THSD7B: variants seen among roughly 807,000 people sequenced by gnomAD.
The protein encoded by THSD7B is thrombospondin type-1 domain-containing protein 7B.
Under a neutral mutation model 213.6 loss-of-function variants are expected in THSD7B, and 138 were observed. That is an observed-to-expected ratio of 0.65 (90% CI 0.56 to 0.74). The LOEUF is 0.74. Ranked by LOEUF, THSD7B falls within the 30% of genes least tolerant of loss-of-function variation. THSD7B has a pLI of 0.00. For synonymous variants in THSD7B, 742 were observed against 687.0 expected, an observed-to-expected ratio of 1.08 and a Z score of -1.25; for missense variants, 1,931 against 1,991.5, an observed-to-expected ratio of 0.97 and a Z score of 0.58.
intron 17 of THSD7B, among the ~76,000 whole-genome samples, chr2:137,581,916 G>A (rs1291025718): frequency 6.6e-6 from 1 of 151,588 alleles, no homozygotes; most frequent in Non-Finnish European, 1.5e-5. Context: ...GGCCAACATA[G>A]TAAAAACTCC....
intron 14 of THSD7B, among the ~76,000 whole-genome samples, chr2:137,428,855 C>T (rs1687115004): frequency 6.6e-6 from 1 of 152,128 alleles, no homozygotes; most frequent in African/African-American, 2.4e-5. Flanking sequence ...TATGAGGACT[C>T]CACCTTCATG....
At chr2:136,836,581 C>T (rs79998196) in intron 1 of THSD7B, among the ~76,000 whole-genome samples, 5,034 of 152,286 alleles carry the variant, frequency 0.033, 119 homozygotes, top group South Asian at 0.059. Flanking sequence ...TCTAGATCCC[C>T]ATGCTATGTT....
intron 7 of THSD7B, among the ~76,000 whole-genome samples, chr2:137,175,775 T>C: frequency 6.6e-6 from 1 of 152,204 alleles, no homozygotes; most frequent in East Asian, 1.9e-4. Context: ...CAAATATTCT[T>C]TAAATGTTTT....
At chr2:136,966,543 T>A (rs1685318160) in intron 2 of THSD7B, among the ~76,000 whole-genome samples, 1 of 152,204 alleles carries the variant, frequency 6.6e-6, no homozygotes, top group African/African-American at 2.4e-5. Flanking sequence ...TCAGTCTTTT[T>A]TATTTTTATT....
At chr2:137,039,738 A>T (rs553922103) in intron 2 of THSD7B, among the ~76,000 whole-genome samples, 2 of 152,324 alleles carry the variant, frequency 1.3e-5, no homozygotes, top group African/African-American at 4.8e-5. Context: ...CAAAATCAGG[A>T]TTTGGACTAA....
At chr2:137,538,461 T>G in intron 15 of THSD7B, 2 of 514,780 alleles carry the variant, frequency 3.9e-6, no homozygotes, top group South Asian at 2.8e-5. Flanking sequence ...TTGCTTATCA[T>G]GCACTGCTAA....
At chr2:137,452,916 C>T (rs1261850146) in intron 15 of THSD7B, among the ~76,000 whole-genome samples, 1 of 152,082 alleles carries the variant, frequency 6.6e-6, no homozygotes, top group South Asian at 2.1e-4. Flanking sequence ...AATCAAAGTT[C>T]AAGAATAATT....
chr2:136,900,931 C>T (rs1684052636), intron 2 of THSD7B, among the ~76,000 whole-genome samples: 1 of 151,888 alleles, frequency 6.6e-6, no homozygotes, highest in African/African-American at 2.4e-5. Context: ...ATGTATCTAC[C>T]CCCCATGCAG....
intron 5 of THSD7B, among the ~76,000 whole-genome samples, chr2:137,138,135 C>G (rs971503584): frequency 2.0e-5 from 3 of 152,096 alleles, no homozygotes; most frequent in African/African-American, 7.2e-5. Context: ...CTCAAGTGAC[C>G]TTTCTGCCTC....
At chr2:137,248,449 C>T (rs2105070754) in intron 10 of THSD7B, among the ~76,000 whole-genome samples, 1 of 152,286 alleles carries the variant, frequency 6.6e-6, no homozygotes, top group East Asian at 1.9e-4. Flanking sequence ...ATCTCTTCCC[C>T]AGTCAGTTCT....
chr2:137,418,952 G>A, intron 14 of THSD7B, among the ~76,000 whole-genome samples: 1 of 151,326 alleles, frequency 6.6e-6, no homozygotes, highest in Non-Finnish European at 1.5e-5. Context: ...CTGTCACCCA[G>A]GCTGGAGTGC....
chr2:136,912,167 CA>C (rs1387003248), intron 2 of THSD7B, among the ~76,000 whole-genome samples: 4 of 151,606 alleles, frequency 2.6e-5, no homozygotes, highest in Non-Finnish European at 4.4e-5. Flanking sequence ...ACTAAAAATA[CA>C]AAAATTAGCC....
chr2:136,973,351 T>C (rs1685432716), intron 2 of THSD7B, among the ~76,000 whole-genome samples: 1 of 152,220 alleles, frequency 6.6e-6, no homozygotes, highest in Admixed American at 6.5e-5. Context: ...TCATATAGTC[T>C]ACTGGCTTGC....
chr2:137,318,863 C>T lies in THSD7B; in HGVS notation c.2500+42837C>T, dbSNP rs140474960. On this transcript the variant is annotated intron_variant, in intron 12 of 27. Coordinates refer to ENST00000409968, the MANE Select transcript of THSD7B (RefSeq NM_001316349.2). ...AGGCTGGAGTGCAGTGGTGCTATCTCGGCTCACTGCAACCTCTGCCTCCCA... is the reference window on the plus strand; with the variant it reads ...AGGCTGGAGTGCAGTGGTGCTATCTTGGCTCACTGCAACCTCTGCCTCCCA... Among the ~76,000 whole-genome samples, 723 of 122,866 alleles carry T rather than the reference C, an allele frequency of 5.9e-3. 6 individuals are homozygous for T. Among genetic ancestry groups the T allele is most frequent in the African/African-American group, 0.021 (683 of 33,112 alleles). The allele number at this position is 122,866 out of a possible 152,430, so 80.6% of individuals were successfully genotyped here.
At chr2:137,603,130 C>T (rs1353586950) in intron 17 of THSD7B, among the ~76,000 whole-genome samples, 3 of 152,194 alleles carry the variant, frequency 2.0e-5, no homozygotes, top group Non-Finnish European at 4.4e-5. Context: ...CACAGTCCAG[C>T]ATGAACGCCT....
chr2:136,864,616 G>C (rs1407447229), intron 1 of THSD7B, among the ~76,000 whole-genome samples: 2 of 151,298 alleles, frequency 1.3e-5, no homozygotes, highest in African/African-American at 4.9e-5. Flanking sequence ...GCAGTGGTGC[G>C]ATCTCAGCTC....
At chr2:137,600,418 C>T (rs1276582029) in intron 17 of THSD7B, among the ~76,000 whole-genome samples, 1 of 152,262 alleles carries the variant, frequency 6.6e-6, no homozygotes, top group East Asian at 1.9e-4. Flanking sequence ...TTTTAGTGTA[C>T]TCCTTCTACT....
At chr2:136,895,538 T>C (rs1683943178) in intron 2 of THSD7B, among the ~76,000 whole-genome samples, 1 of 147,860 alleles carries the variant, frequency 6.8e-6, no homozygotes, top group Non-Finnish European at 1.5e-5. Flanking sequence ...TTTTTTTTTT[T>C]TTACAGAATT....
At chr2:137,518,824 G>C (rs994063517) in intron 15 of THSD7B, among the ~76,000 whole-genome samples, 1 of 152,152 alleles carries the variant, frequency 6.6e-6, no homozygotes, top group Non-Finnish European at 1.5e-5. Flanking sequence ...CAATTTGCCA[G>C]CAGCATAAAC....
Sources: allele counts gnomAD v4.1 joint callset (sites outside exome capture counted in the v4.1 genomes callset), GRCh38; gene constraint gnomAD v4.1.1; transcripts MANE v1.5; gene names NCBI Gene and HGNC (gene_info 2026-07-23, HGNC 2026-07-21).